TMEM248: variants seen among roughly 807,000 people sequenced by gnomAD.
The protein encoded by TMEM248 is UPF0458 protein C7orf42.
A neutral mutation model predicts 30.3 loss-of-function variants in TMEM248; 9 were observed. The ratio of observed to expected loss-of-function variants is 0.30; its 90% CI spans 0.18 to 0.52. The LOEUF is 0.52. TMEM248 is among the 20% of genes least tolerant of loss of function. TMEM248 has a pLI of 0.97. For synonymous variants in TMEM248, 184 were observed against 154.4 expected (o/e 1.19, Z -1.42); for missense variants, 338 against 403.3 (o/e 0.84, Z 1.39).
intron 5 of TMEM248, 96 bp from the exon 6 acceptor site, chr7:66,953,130 C>A: frequency 7.2e-7 from 1 of 1,394,730 alleles, no homozygotes; most frequent in South Asian, 1.3e-5. Context: ...TGTGGCAAGT[C>A]TGGAGGCTGT....
intron 1 of TMEM248, among the ~76,000 whole-genome samples, chr7:66,933,700 G>A (rs1434918613): frequency 6.6e-6 from 1 of 152,140 alleles, no homozygotes; most frequent in East Asian, 1.9e-4. Context: ...TTACAGTGCC[G>A]TCTGATGTTT....
At chr7:66,921,721 C>T (rs1367432028) in intron 1 of TMEM248, 1 of 152,296 alleles carries the variant, frequency 6.6e-6, no homozygotes, top group Non-Finnish European at 1.5e-5. Flanking sequence ...GCGGGACTTC[C>T]CACGTCTGGA....
At chr7:66,950,533 A>G (rs554827138) in intron 4 of TMEM248, among the ~76,000 whole-genome samples, 17 of 152,306 alleles carry the variant, frequency 1.1e-4, no homozygotes, top group East Asian at 1.9e-4. Flanking sequence ...CTGTGAGTCA[A>G]TTAAGCCTGT....
chr7:66,928,548 G>T (rs1791582239), intron 1 of TMEM248, among the ~76,000 whole-genome samples: 1 of 152,108 alleles, frequency 6.6e-6, no homozygotes, highest in Non-Finnish European at 1.5e-5. Context: ...GTGTTGCAAG[G>T]ATTAAAAAAT....
At chr7:66,954,414 C>G (rs1350205789) in intron 6 of TMEM248, among the ~76,000 whole-genome samples, 1 of 115,120 alleles carries the variant, frequency 8.7e-6, no homozygotes, top group Non-Finnish European at 1.7e-5. Context: ...GAGACAGGGT[C>G]TCACTTTGTC....
chr7:66,938,517 GTTTTC>G (rs1562940283), intron 1 of TMEM248, among the ~76,000 whole-genome samples: 1 of 151,896 alleles, frequency 6.6e-6, no homozygotes, highest in Non-Finnish European at 1.5e-5. Flanking sequence ...TTTTCTTTTT[GTTTTC>G]TTTTGAGATG....
chr7:66,950,560 C>T (rs1243316093), intron 4 of TMEM248, among the ~76,000 whole-genome samples: 9 of 152,060 alleles, frequency 5.9e-5, no homozygotes, highest in African/African-American at 1.9e-4. Context: ...TATAAATAAC[C>T]CAGTCCCGGG....
intron 1 of TMEM248, among the ~76,000 whole-genome samples, chr7:66,928,746 C>T (rs1259730770): frequency 6.6e-6 from 1 of 151,982 alleles, no homozygotes; most frequent in Non-Finnish European, 1.5e-5. Context: ...TCTGCCTTTT[C>T]TCATTTGATG....
rs1459774463 is a variant in TMEM248, at chr7:66,945,252, G to C, written c.436G>C (p.Gly146Arg). Residue 146 changes from glycine to arginine, a missense_variant, in exon 3 of 7, where the codon GGA becomes CGA. Transcript: ENST00000341567. ...LYSTILGHQI[G>R]LSGREAHEEI... The stretch of plus-strand genomic sequence containing the variant: ...CTCAACCATCTTAGGGCATCAGATT[G>C]GACTTTCAGGTATGCAGTAGCCACT... The C allele has an allele frequency of 6.2e-7, 1 of 1,612,626 alleles. No individual in the cohort carries two copies. Among genetic ancestry groups the C allele is most frequent in the East Asian group, 2.2e-5 (1 of 44,846 alleles).
Position 66,943,943 on chromosome 7 carries a change from C to T in TMEM248, c.160-1033C>T, listed in dbSNP as rs138823992. On this transcript the variant is annotated intron_variant, in intron 2 of 6. Transcript: ENST00000341567. Reference sequence around the variant, plus strand: ...CCAAGTAGCTGGGATTACAGGCATGCGCCACCATGTCCAGCTAATTTTTGT... The same window carrying T: ...CCAAGTAGCTGGGATTACAGGCATGTGCCACCATGTCCAGCTAATTTTTGT... Among the ~76,000 whole-genome samples the T allele has an allele frequency of 2.2e-3, 338 of 151,928 alleles. 1 individual carries two copies. The highest frequency in any genetic ancestry group is 7.7e-3 in the African/African-American group (321 of 41,452).
chr7:66,941,246 C>T (rs535838696), intron 1 of TMEM248, among the ~76,000 whole-genome samples: 5 of 151,908 alleles, frequency 3.3e-5, no homozygotes, highest in South Asian at 2.1e-4. Flanking sequence ...CTGGGTGTGG[C>T]GGCACATGCC....
At chr7:66,921,647 C>T (rs963867422) in intron 1 of TMEM248, among the ~76,000 whole-genome samples, 186 bp downstream of exon 1, 1 of 152,244 alleles carries the variant, frequency 6.6e-6, no homozygotes, top group Non-Finnish European at 1.5e-5. Flanking sequence ...GGCCTGGTCC[C>T]CCCACACTGG....
chr7:66,956,591 C>T lies in TMEM248; in HGVS notation c.*1069C>T, dbSNP rs868223260. On this transcript the variant is annotated 3_prime_UTR_variant, in exon 7 of 7. Transcript: ENST00000341567. ...GGCAACTAGTAGATCAGTAAAATTA[C>T]GAAAACGATGCCTGCAAAATTTGAA... The T allele has an allele frequency of 1.3e-5, 2 of 152,122 alleles. No individual in the cohort carries two copies. Among genetic ancestry groups the T allele is most frequent in the Admixed American group, 6.6e-5 (1 of 15,256 alleles). The allele number at this position is 152,122 out of a possible 1,614,324, so 9.4% of individuals were successfully genotyped here. A position where few individuals can be genotyped will look rare whatever the true frequency, so the allele number is the denominator to read the frequency against.
chr7:66,945,806 C>T lies in TMEM248; in HGVS notation c.445+545C>T, dbSNP rs1792085760. On this transcript the variant is annotated intron_variant, in intron 3 of 6. Coordinates refer to ENST00000341567, the MANE Select transcript of TMEM248 (RefSeq NM_017994.5). ...TCACTACTAAAATACAAAAAATTGG[C>T]CGGGCGCGGTGGCTCACGCCTGTAA... 2.6e-5 allele frequency among the ~76,000 whole-genome samples: 4 copies of T among 152,114 alleles called. No homozygotes were observed. The South Asian group carries it at 6.2e-4, about 24-fold the overall frequency.
At chr7:66,923,428 C>A (rs1302942097) in intron 1 of TMEM248, among the ~76,000 whole-genome samples, 1 of 152,164 alleles carries the variant, frequency 6.6e-6, no homozygotes, top group African/African-American at 2.4e-5. Flanking sequence ...AGGTGTGAGC[C>A]ACCTTGCTCA....
intron 1 of TMEM248, among the ~76,000 whole-genome samples, chr7:66,935,474 C>T (rs999819050): frequency 1.3e-5 from 2 of 151,172 alleles, no homozygotes; most frequent in Non-Finnish European, 3.0e-5. Context: ...TGAGCCACTG[C>T]GTCTGGCCCC....
At chr7:66,933,089 A>C (rs1279287632) in intron 1 of TMEM248, among the ~76,000 whole-genome samples, 1 of 151,954 alleles carries the variant, frequency 6.6e-6, no homozygotes, top group African/African-American at 2.4e-5. Context: ...CGAACTCCTG[A>C]CCTCAGGTGA....
chr7:66,926,848 G>C (rs1012214008), intron 1 of TMEM248, among the ~76,000 whole-genome samples: 2 of 152,148 alleles, frequency 1.3e-5, no homozygotes, highest in African/African-American at 4.8e-5. Context: ...TTCTGCGTGT[G>C]ATTACATACC....
chr7:66,923,083 G>C (rs1377380523), intron 1 of TMEM248, among the ~76,000 whole-genome samples: 1 of 152,156 alleles, frequency 6.6e-6, no homozygotes, highest in African/African-American at 2.4e-5. Context: ...AATGTGGCAG[G>C]ACTGAATTGC....
Sources: gnomAD v4.1 joint callset for allele counts (sites outside exome capture counted in the v4.1 genomes callset) on GRCh38, gnomAD v4.1.1 for gene constraint, MANE v1.5 for transcripts, NCBI Gene and HGNC (gene_info 2026-07-23, HGNC 2026-07-21) for gene names.